The following IL1RAPL2 variants were observed in gnomAD, a reference collection of about 807,000 sequenced individuals.
IL1RAPL2 encodes the protein interleukin 1 receptor accessory protein like 2.
In IL1RAPL2, 3 loss-of-function variants were observed where a neutral mutation model predicts 44.1. The ratio of observed to expected loss-of-function variants is 0.07; its 90% CI spans 0.03 to 0.18. The LOEUF (loss-of-function observed/expected upper bound fraction) is 0.18. Among genes scored for constraint, IL1RAPL2 ranks in the 10% least tolerant of loss-of-function variants. The pLI, the probability that IL1RAPL2 is intolerant of heterozygous loss-of-function variation, is 1.00. For synonymous variants in IL1RAPL2, 181 were observed against 178.8 expected (o/e 1.01, Z -0.10); for missense variants, 391 against 496.4 (o/e 0.79, Z 2.02).
At chrX:104,654,176 G>A (rs1163745395) in intron 1 of IL1RAPL2, among the ~76,000 whole-genome samples, 1 of 110,818 alleles carries the variant, frequency 9.0e-6, no homozygotes, top group Non-Finnish European at 1.9e-5. Flanking sequence ...GATTTTGGAA[G>A]AGTTTCATTC....
At chrX:105,443,732 C>A (rs1037652070) in intron 5 of IL1RAPL2, among the ~76,000 whole-genome samples, 1 of 112,038 alleles carries the variant, frequency 8.9e-6, no homozygotes. Context: ...GTACATTTAT[C>A]CATTCATCTG....
chrX:105,705,897 C>T (rs2038161997), intron 6 of IL1RAPL2, among the ~76,000 whole-genome samples: 1 of 111,283 alleles, frequency 9.0e-6, no homozygotes, highest in East Asian at 2.8e-4. Flanking sequence ...CTTAGAAATA[C>T]AAAATAGAGA....
chrX:105,319,489 A>G (rs1216380868), intron 5 of IL1RAPL2, among the ~76,000 whole-genome samples: 1 of 111,571 alleles, frequency 9.0e-6, no homozygotes, highest in African/African-American at 3.3e-5. Context: ...GGCTATTTTC[A>G]CTCATTGTGA....
intron 6 of IL1RAPL2, among the ~76,000 whole-genome samples, chrX:105,584,118 G>A (rs1040919951): frequency 2.7e-5 from 3 of 111,299 alleles, no homozygotes; most frequent in Non-Finnish European, 5.6e-5. Context: ...GCTGGATGAA[G>A]TTAGTTGAAT....
chrX:104,839,105 T>G (rs1921831451), intron 2 of IL1RAPL2, among the ~76,000 whole-genome samples: 1 of 109,689 alleles, frequency 9.1e-6, no homozygotes, highest in Admixed American at 9.9e-5. Flanking sequence ...TGCCTCAGCC[T>G]CCCAAAGTGC....
intron 1 of IL1RAPL2, among the ~76,000 whole-genome samples, chrX:104,652,925 T>C (rs183364069): frequency 9.9e-5 from 11 of 111,217 alleles, no homozygotes; most frequent in African/African-American, 2.6e-4. Flanking sequence ...TAGCCTTTCA[T>C]ACATCTCTTC....
At chrX:104,691,194 T>G (rs905816046) in intron 2 of IL1RAPL2, among the ~76,000 whole-genome samples, 1 of 112,413 alleles carries the variant, frequency 8.9e-6, no homozygotes, top group African/African-American at 3.2e-5. Context: ...ATGGTTACCA[T>G]GTGTATCACA....
chrX:104,957,330 T>A (rs1410550306), intron 2 of IL1RAPL2, among the ~76,000 whole-genome samples: 1 of 111,995 alleles, frequency 8.9e-6, no homozygotes, highest in Non-Finnish European at 1.9e-5. Flanking sequence ...GAAACAGCCT[T>A]GGAAAGCTTT....
At chrX:105,076,188 A>C (rs1456101976) in intron 2 of IL1RAPL2, among the ~76,000 whole-genome samples, 1 of 111,192 alleles carries the variant, frequency 9.0e-6, no homozygotes, top group Non-Finnish European at 1.9e-5. Flanking sequence ...TTAGTGCTAT[A>C]AATTTCCCTC....
chrX:104,631,712 T>G (rs749215597), intron 1 of IL1RAPL2, among the ~76,000 whole-genome samples: 26 of 112,295 alleles, frequency 2.3e-4, no homozygotes, highest in Admixed American at 3.8e-4. Context: ...TAAATTTGTT[T>G]GAGTTCATTG....
intron 5 of IL1RAPL2, among the ~76,000 whole-genome samples, chrX:105,448,708 T>C (rs777034338): frequency 6.3e-5 from 7 of 111,027 alleles, no homozygotes; most frequent in Non-Finnish European, 1.1e-4. Flanking sequence ...GGCTTTTTTC[T>C]CTAGATCCTG....
rs769860654 is a variant in IL1RAPL2, at chrX:104,946,169, G to A, written c.83-249306G>A. 7.8e-5 allele frequency among the ~76,000 whole-genome samples: 8 copies of A among 102,757 alleles called. No homozygotes were observed. In the East Asian group the frequency reaches 2.1e-3, roughly 27 times the overall value. The allele number at this position is 102,757 out of a possible 115,157, so 89.2% of individuals were successfully genotyped here. A position where few individuals can be genotyped will look rare whatever the true frequency, so the allele number is the denominator to read the frequency against. On this transcript the variant is annotated intron_variant, in intron 2 of 10. Coordinates refer to ENST00000372582, the MANE Select transcript of IL1RAPL2 (RefSeq NM_017416.2). ...GGGTGGATCATGAGGTCAGGAGATC[G>A]AGACCATCCTGGCTAACAAGGTGAA...
At chrX:104,580,140 A>G (rs1469230582) in intron 1 of IL1RAPL2, among the ~76,000 whole-genome samples, 1 of 112,143 alleles carries the variant, frequency 8.9e-6, no homozygotes. Context: ...GGATTGATGT[A>G]TTGATTAAAC....
chrX:105,334,624 T>A (rs1429425233), intron 5 of IL1RAPL2, among the ~76,000 whole-genome samples: 2 of 111,865 alleles, frequency 1.8e-5, no homozygotes, highest in Admixed American at 1.9e-4. Flanking sequence ...ATGTATCCCA[T>A]GAATATATAC....
At chrX:105,176,174 T>C (rs1030096173) in intron 2 of IL1RAPL2, among the ~76,000 whole-genome samples, 1 of 111,128 alleles carries the variant, frequency 9.0e-6, no homozygotes, top group African/African-American at 3.3e-5. Context: ...CCCCTTTCAC[T>C]GCAGAGACAG....
At chrX:104,891,417 C>T (rs1923436278) in intron 2 of IL1RAPL2, among the ~76,000 whole-genome samples, 1 of 112,088 alleles carries the variant, frequency 8.9e-6, no homozygotes, top group Non-Finnish European at 1.9e-5. Flanking sequence ...AATATTGATT[C>T]TTCCTATCCA....
intron 2 of IL1RAPL2, among the ~76,000 whole-genome samples, chrX:104,850,167 C>T (rs1406645017): frequency 9.1e-6 from 1 of 110,457 alleles, no homozygotes; most frequent in South Asian, 3.8e-4. Context: ...AGGCTATAGA[C>T]CTAAATTTTG....
chrX:105,012,956 G>A (rs891754738), intron 2 of IL1RAPL2, among the ~76,000 whole-genome samples: 27 of 110,472 alleles, frequency 2.4e-4, no homozygotes, highest in African/African-American at 4.3e-4. Flanking sequence ...TTAGATGGCC[G>A]TTGAGCAGGG....
chrX:104,956,495 T>TG (rs1556020850), intron 2 of IL1RAPL2, among the ~76,000 whole-genome samples: 1 of 108,553 alleles, frequency 9.2e-6, no homozygotes, highest in African/African-American at 3.4e-5. Flanking sequence ...TGTGTGTGTG[T>TG]TATGCCGGGC....
Sources: allele counts gnomAD v4.1 joint callset (sites outside exome capture counted in the v4.1 genomes callset), GRCh38; gene constraint gnomAD v4.1.1; transcripts MANE v1.5; gene names NCBI Gene and HGNC (gene_info 2026-07-23, HGNC 2026-07-21).